MGAT4C: variants seen among roughly 807,000 people sequenced by gnomAD.
MGAT4C encodes alpha-1,3-mannosyl-glycoprotein 4-beta-N-acetylglucosaminyltransferase C.
In MGAT4C, 19 loss-of-function variants were observed where a neutral mutation model predicts 40.1. That is an observed-to-expected ratio of 0.47 (90% CI 0.33 to 0.70). The LOEUF (loss-of-function observed/expected upper bound fraction) is 0.70. Among genes scored for constraint, MGAT4C ranks in the 30% least tolerant of loss-of-function variants. The pLI is 0.02. For synonymous variants in MGAT4C, 181 were observed against 187.1 expected (o/e 0.97, Z 0.27); for missense variants, 491 against 563.2 (o/e 0.87, Z 1.30).
intron 3 of MGAT4C, among the ~76,000 whole-genome samples, chr12:86,345,876 T>G (rs187146518): frequency 5.6e-4 from 85 of 152,330 alleles, no homozygotes; most frequent in African/African-American, 1.9e-3. Flanking sequence ...ACCAACAGTG[T>G]AAAAGTGTTC....
At chr12:86,182,845 A>G (rs1461539582) in intron 1 of MGAT4C, among the ~76,000 whole-genome samples, 1 of 152,154 alleles carries the variant, frequency 6.6e-6, no homozygotes, top group Non-Finnish European at 1.5e-5. Context: ...CCTCACCATC[A>G]TGTAGACAGT....
chr12:86,691,444 C>T lies in MGAT4C; in HGVS notation c.-229+35765G>A, dbSNP rs148346373. Among the ~76,000 whole-genome samples, 887 of 152,044 alleles carry T rather than the reference C, an allele frequency of 5.8e-3. 3 individuals carry two copies. The highest frequency in any genetic ancestry group is 0.014 in the Middle Eastern group (4 of 294). On this transcript the variant is annotated intron_variant, in intron 2 of 7. Coordinates refer to the MGAT4C transcript ENST00000548651. Reference sequence around the variant, plus strand: ...AAGCTGAAGACACAAAAATTGTTGACGAGATAGAGAGAAGAAAAAGACAAC... The same window carrying T: ...AAGCTGAAGACACAAAAATTGTTGATGAGATAGAGAGAAGAAAAAGACAAC...
At chr12:86,344,688 T>C (rs913427549) in intron 3 of MGAT4C, among the ~76,000 whole-genome samples, 3 of 150,600 alleles carry the variant, frequency 2.0e-5, no homozygotes, top group Non-Finnish European at 4.4e-5. Context: ...AAGTGTTAAA[T>C]AGACAGCAAT....
chr12:86,053,490 G>A (rs10863156), intron 1 of MGAT4C, among the ~76,000 whole-genome samples: 5,972 of 151,742 alleles, frequency 0.039, 141 homozygotes, highest in Middle Eastern at 0.068. Context: ...ATAAACACAG[G>A]GCATAATCTC....
chr12:86,397,334 A>C (rs1956280440), intron 3 of MGAT4C, among the ~76,000 whole-genome samples: 1 of 152,138 alleles, frequency 6.6e-6, no homozygotes, highest in Non-Finnish European at 1.5e-5. Context: ...ATGCCTTCAA[A>C]ACCTCCCAAA....
chr12:86,134,580 T>A (rs1229068766), intron 1 of MGAT4C, among the ~76,000 whole-genome samples: 1 of 152,094 alleles, frequency 6.6e-6, no homozygotes, highest in Non-Finnish European at 1.5e-5. Flanking sequence ...TTTGTCACCC[T>A]CACTAATGAA....
chr12:86,464,270 A>T (rs1339085570), intron 2 of MGAT4C, among the ~76,000 whole-genome samples: 1 of 152,176 alleles, frequency 6.6e-6, no homozygotes, highest in African/African-American at 2.4e-5. Context: ...TTGCTAATCT[A>T]AGCAAGCTCT....
intron 2 of MGAT4C, among the ~76,000 whole-genome samples, chr12:86,489,631 A>G (rs1245050835): frequency 6.6e-6 from 1 of 152,216 alleles, no homozygotes; most frequent in African/African-American, 2.4e-5. Flanking sequence ...CATGAAGTTT[A>G]ACTCCTGCTG....
chr12:86,132,793 A>G (rs1430295099), intron 1 of MGAT4C, among the ~76,000 whole-genome samples: 3 of 8,884 alleles, frequency 3.4e-4, no homozygotes, highest in African/African-American at 2.5e-3. Flanking sequence ...CTCCGTCTCA[A>G]AAAAAAAAAA....
At chr12:86,146,512 G>A (rs111433549) in intron 1 of MGAT4C, among the ~76,000 whole-genome samples, 5 of 152,098 alleles carry the variant, frequency 3.3e-5, no homozygotes, top group African/African-American at 1.2e-4. Context: ...TTAATAGAAT[G>A]TTATCTACTG....
chr12:86,067,447 T>C (rs1894653018), intron 1 of MGAT4C, among the ~76,000 whole-genome samples: 1 of 149,356 alleles, frequency 6.7e-6, no homozygotes, highest in Non-Finnish European at 1.5e-5. Context: ...CTCAGCAAAC[T>C]AACACAAGAA....
intron 2 of MGAT4C, among the ~76,000 whole-genome samples, chr12:86,676,131 T>C (rs1380523591): frequency 6.6e-6 from 1 of 152,114 alleles, no homozygotes; most frequent in Non-Finnish European, 1.5e-5. Context: ...GAGAAGGTGA[T>C]ATGATTTCTA....
At position 86,596,500 on chromosome 12, in the gene MGAT4C, G is replaced by A. The variant is rs539508577; in HGVS notation, c.-229+130709C>T. 2.6e-5 allele frequency among the ~76,000 whole-genome samples: 4 copies of A among 152,302 alleles called. No individual in the cohort carries two copies. The East Asian group carries it at 7.7e-4, about 29-fold the overall frequency. On this transcript the variant is annotated intron_variant, in intron 2 of 7. Transcript: ENST00000548651. ...AAGATGGGCTCACAGATGCCTAAGA[G>A]CCGATGGCCCAACACATAGAACTTA...
At chr12:86,287,775 A>C (rs1953391977) in intron 4 of MGAT4C, among the ~76,000 whole-genome samples, 1 of 152,180 alleles carries the variant, frequency 6.6e-6, no homozygotes, top group Non-Finnish European at 1.5e-5. Context: ...TTGGTTCTAA[A>C]TCTTTGCTAT....
intron 2 of MGAT4C, among the ~76,000 whole-genome samples, chr12:86,619,195 G>A (rs749978502): frequency 4.6e-5 from 7 of 151,960 alleles, no homozygotes; most frequent in Non-Finnish European, 8.8e-5. Flanking sequence ...CCAATCTTCC[G>A]TGGATATAAC....
intron 2 of MGAT4C, among the ~76,000 whole-genome samples, chr12:86,454,539 C>A (rs1957480051): frequency 6.6e-6 from 1 of 151,828 alleles, no homozygotes; most frequent in South Asian, 2.1e-4. Context: ...ATATATGTAA[C>A]TATATAAAAA....
intron 1 of MGAT4C, among the ~76,000 whole-genome samples, chr12:86,802,443 A>T (rs1195811775): frequency 1.3e-5 from 2 of 152,016 alleles, no homozygotes; most frequent in Admixed American, 1.3e-4. Context: ...TTTGAAAATG[A>T]TCATTCATTA....
intron 2 of MGAT4C, among the ~76,000 whole-genome samples, chr12:86,494,339 A>G (rs1314713706): frequency 6.6e-6 from 1 of 151,958 alleles, no homozygotes; most frequent in Non-Finnish European, 1.5e-5. Flanking sequence ...TTATTTGATA[A>G]AAGTATTTGA....
intron 2 of MGAT4C, among the ~76,000 whole-genome samples, chr12:86,636,254 C>T (rs1374407884): frequency 6.6e-6 from 1 of 152,030 alleles, no homozygotes; most frequent in Non-Finnish European, 1.5e-5. Context: ...TACTGAAATA[C>T]ACTTCTTGGC....
Sources: gnomAD v4.1 joint callset for allele counts (sites outside exome capture counted in the v4.1 genomes callset) on GRCh38, gnomAD v4.1.1 for gene constraint, MANE v1.5 for transcripts, NCBI Gene and HGNC (gene_info 2026-07-23, HGNC 2026-07-21) for gene names.